Variants in LAMC3 observed in about 807,000 individuals in gnomAD.
LAMC3 encodes laminin subunit gamma 3.
A neutral mutation model predicts 173.8 loss-of-function variants in LAMC3; 128 were observed. That is an observed-to-expected ratio of 0.74 (90% confidence interval 0.64 to 0.85). The LOEUF is 0.85. Ranked by LOEUF, LAMC3 falls within the 40% of genes least tolerant of loss-of-function variation. The pLI is 0.00. For synonymous variants in LAMC3, 897 were observed against 909.1 expected (o/e 0.99, Z 0.24); for missense variants, 2,022 against 2,156.0 (o/e 0.94, Z 1.23).
intron 12 of LAMC3, among the ~76,000 whole-genome samples, chr9:131,058,132 G>C (rs1253197184): frequency 6.6e-6 from 1 of 151,880 alleles, no homozygotes; most frequent in Non-Finnish European, 1.5e-5. Flanking sequence ...TATTTTTTGT[G>C]GGGGGTGACA....
At chr9:131,079,564 T>C (rs944031931) in intron 23 of LAMC3, among the ~76,000 whole-genome samples, 1 of 152,044 alleles carries the variant, frequency 6.6e-6, no homozygotes, top group Non-Finnish European at 1.5e-5. Context: ...CATGGTGGCA[T>C]GTGCCTATAG....
At chr9:131,079,422 T>C (rs948981938) in intron 23 of LAMC3, 124 bp downstream of exon 23, 141 of 1,190,216 alleles carry the variant, frequency 1.2e-4, no homozygotes, top group African/African-American at 1.2e-3. Context: ...CGGCCGGGTG[T>C]AGTGGCTCAC....
chr9:131,079,137 G>C lies in LAMC3; in HGVS notation c.3778-12G>C. On this transcript the variant is annotated splice_polypyrimidine_tract_variant and intron_variant, in intron 22 of 27. Coordinates refer to ENST00000361069, the MANE Select transcript of LAMC3 (RefSeq NM_006059.4). ...TTTCCAGGCCCTGCCTGAGCGCATT[G>C]TCTCCCTGCAGCCTCAGAAGTCCCG... is the stretch of plus-strand genomic sequence containing the variant. 6.2e-7 allele frequency: 1 copy of C among 1,612,258 alleles called. No homozygotes were observed. Among genetic ancestry groups the C allele is most frequent in the Middle Eastern group, 1.6e-4 (1 of 6,062 alleles).
chr9:131,052,379 C>G (rs1203828352), intron 9 of LAMC3, 112 bp from the exon 10 acceptor site: 2 of 1,003,770 alleles, frequency 2.0e-6, no homozygotes, highest in African/African-American at 1.6e-5. Flanking sequence ...GATTTTCTAC[C>G]CACTGCACTT....
intron 17 of LAMC3, 142 bp downstream of exon 17, chr9:131,069,992 C>T: frequency 3.5e-6 from 3 of 867,756 alleles, no homozygotes; most frequent in East Asian, 2.7e-5. Context: ...TCCCTGTGCC[C>T]ACCCAGCTTC....
chr9:131,056,494 GAAAAAT>G (rs1834406421), intron 11 of LAMC3, among the ~76,000 whole-genome samples: 2 of 139,962 alleles, frequency 1.4e-5, no homozygotes, highest in Non-Finnish European at 3.0e-5. Context: ...TTGACAATTT[GAAAAAT>G]AAAAATAAAA....
chr9:131,027,702 G>T (rs904932029), intron 2 of LAMC3, among the ~76,000 whole-genome samples: 1 of 152,224 alleles, frequency 6.6e-6, no homozygotes, highest in Admixed American at 6.5e-5. Context: ...AGAGACTGCT[G>T]TGGGGTAGCG....
chr9:131,033,486 C>T (rs763518814), intron 3 of LAMC3, among the ~76,000 whole-genome samples: 15 of 151,806 alleles, frequency 9.9e-5, no homozygotes, highest in African/African-American at 1.5e-4. Context: ...GACTAGGGGA[C>T]GGCCAACGTG....
chr9:131,018,427 G>A (rs924161754), intron 1 of LAMC3, among the ~76,000 whole-genome samples: 4 of 152,032 alleles, frequency 2.6e-5, no homozygotes, highest in East Asian at 1.9e-4. Flanking sequence ...GAGCCACTGC[G>A]CCCGGCCCCC....
At chr9:131,046,565 T>G (rs1206512400) in intron 8 of LAMC3, among the ~76,000 whole-genome samples, 1 of 119,662 alleles carries the variant, frequency 8.4e-6, no homozygotes, top group Admixed American at 1.0e-4. Context: ...GGTCTTACCA[T>G]GTTGCCCAGG....
Position 131,068,071 on chromosome 9 carries a change from C to G in LAMC3, c.2594-7C>G. On this transcript the variant is annotated splice_region_variant and splice_polypyrimidine_tract_variant and intron_variant, in intron 14 of 27. Coordinates refer to ENST00000361069, the MANE Select transcript of LAMC3 (RefSeq NM_006059.4). ...TTCCCAACACCCCTTCCTGCTCCTGCCCCCAGCTTGCAGCTGTCACCCACA... is the reference window on the plus strand; with the variant it reads ...TTCCCAACACCCCTTCCTGCTCCTGGCCCCAGCTTGCAGCTGTCACCCACA... 1.2e-6 allele frequency: 2 copies of G among 1,609,272 alleles called. No homozygotes were observed. The highest frequency in any genetic ancestry group is 1.7e-5 in the Admixed American group (1 of 60,028).
chr9:131,046,925 G>T (rs1278170129), intron 8 of LAMC3, among the ~76,000 whole-genome samples: 1 of 152,148 alleles, frequency 6.6e-6, no homozygotes, highest in South Asian at 2.1e-4. Flanking sequence ...TGGAAGCCGC[G>T]CAGAAAGCAG....
intron 11 of LAMC3, among the ~76,000 whole-genome samples, chr9:131,055,626 CGTGTTA>C (rs1352947923): frequency 6.6e-6 from 1 of 151,456 alleles, no homozygotes; most frequent in African/African-American, 2.4e-5. Context: ...GGGGTTTCAC[CGTGTTA>C]GCCAGGATGG....
intron 6 of LAMC3, among the ~76,000 whole-genome samples, chr9:131,040,470 C>T (rs1028215443): frequency 1.1e-4 from 16 of 152,156 alleles, no homozygotes; most frequent in Admixed American, 2.6e-4. Context: ...AGTCACCGCG[C>T]CTGGCCCAGA....
intron 11 of LAMC3, among the ~76,000 whole-genome samples, chr9:131,056,500 T>TAA (rs1443266489): frequency 7.0e-6 from 1 of 142,648 alleles, no homozygotes; most frequent in Non-Finnish European, 1.5e-5. Context: ...ATTTGAAAAA[T>TAA]AAAAATAAAA....
intron 1 of LAMC3, among the ~76,000 whole-genome samples, chr9:131,025,170 C>T (rs956645874): frequency 2.6e-5 from 4 of 152,158 alleles, no homozygotes; most frequent in South Asian, 2.1e-4. Context: ...GCTCCCTCTC[C>T]GCCCGGCGCT....
At chr9:131,018,723 C>G (rs924242141) in intron 1 of LAMC3, among the ~76,000 whole-genome samples, 1 of 152,168 alleles carries the variant, frequency 6.6e-6, no homozygotes, top group African/African-American at 2.4e-5. Context: ...TCATCCCACC[C>G]GCTTACTGGA....
intron 2 of LAMC3, among the ~76,000 whole-genome samples, chr9:131,030,075 G>C (rs532452439): frequency 6.6e-6 from 1 of 152,106 alleles, no homozygotes; most frequent in Non-Finnish European, 1.5e-5. Context: ...CAAGTAGCTG[G>C]GATTGCAGGT....
Position 131,038,981 on chromosome 9 carries a change from A to G in LAMC3, c.1094A>G (p.Glu365Gly), listed in dbSNP as rs765058706. 5 of 1,613,580 alleles carry G rather than the reference A, an allele frequency of 3.1e-6. No homozygotes were observed. The highest frequency in any genetic ancestry group is 4.2e-6 in the Non-Finnish European group (5 of 1,180,022). The change falls in exon 5 of 28, where the codon GAG (glutamate) becomes GGG (glycine). Residue 365 changes from glutamate (E) to glycine (G), a missense_variant. Coordinates refer to ENST00000361069, the MANE Select transcript of LAMC3 (RefSeq NM_006059.4). ...CRDHTAGPHC[E>G]RCQENFYHWD... ...GACCACACAGCTGGGCCACACTGTG[A>G]GCGCTGTCAGGAGAATTTCTATCAC... is the stretch of plus-strand genomic sequence containing the variant.
Sources: allele counts gnomAD v4.1 joint callset (sites outside exome capture counted in the v4.1 genomes callset), GRCh38; gene constraint gnomAD v4.1.1; transcripts MANE v1.5; gene names NCBI Gene and HGNC (gene_info 2026-07-23, HGNC 2026-07-21).